Variants in SPECC1 observed in about 807,000 individuals in gnomAD.
SPECC1 encodes the protein sperm antigen with calponin homology and coiled-coil domains 1.
In SPECC1, 62 loss-of-function variants were observed where a neutral mutation model predicts 104.1. The ratio of observed to expected loss-of-function variants is 0.60; its 90% confidence interval spans 0.49 to 0.74. SPECC1 has a LOEUF of 0.74. Among genes scored for constraint, SPECC1 ranks in the 30% least tolerant of loss-of-function variants. The pLI, the probability that SPECC1 is intolerant of heterozygous loss-of-function variation, is 0.00. For synonymous variants in SPECC1, 513 were observed against 501.6 expected (o/e 1.02, Z -0.30); for missense variants, 1,306 against 1,310.5 (o/e 1.00, Z 0.05).
intron 1 of SPECC1, among the ~76,000 whole-genome samples, chr17:20,089,969 C>T (rs1164278191): frequency 6.6e-6 from 1 of 152,190 alleles, no homozygotes; most frequent in Admixed American, 6.5e-5. Context: ...GTTCTGTGCC[C>T]CAGGCTGAGG....
At chr17:20,252,091 CAG>C (rs1392342980) in intron 9 of SPECC1, among the ~76,000 whole-genome samples, 2 of 151,944 alleles carry the variant, frequency 1.3e-5, no homozygotes, top group African/African-American at 2.4e-5. Flanking sequence ...TTTAGAAAAA[CAG>C]AGGGTGTTTT....
At chr17:20,151,972 C>T (rs1597825498) in intron 3 of SPECC1, among the ~76,000 whole-genome samples, 2 of 151,834 alleles carry the variant, frequency 1.3e-5, no homozygotes, top group East Asian at 3.9e-4. Context: ...TCGCTTGAAC[C>T]CGGGAGGCTC....
intron 1 of SPECC1, among the ~76,000 whole-genome samples, chr17:20,072,174 T>C (rs8075343): frequency 0.29 from 43,926 of 152,126 alleles, 6,850 homozygotes; most frequent in Middle Eastern, 0.43. Context: ...TCAGAGCACC[T>C]GTGTTTGAAT....
chr17:20,318,462 A>G lies in SPECC1; in HGVS notation c.*4397A>G, dbSNP rs182344386. 38 of 231,734 alleles carry G rather than the reference A, an allele frequency of 1.6e-4. No individual in the cohort carries two copies. The highest frequency in any genetic ancestry group is 1.1e-3 in the Admixed American group (19 of 17,740). 14.4% of individuals were successfully genotyped at this position (231,734 alleles called of 1,614,324 possible). A position where few individuals can be genotyped will look rare whatever the true frequency, so the allele number is the denominator to read the frequency against. On this transcript the variant is annotated 3_prime_UTR_variant, in exon 15 of 15. Transcript: ENST00000395527. ...GTGTTAGATAAAAACACACATCCCC[A>G]GGGGACAAGCCATCCAGCGGTGAGG... is the stretch of plus-strand genomic sequence containing the variant.
chr17:20,218,859 A>G (rs1288431003), intron 4 of SPECC1, among the ~76,000 whole-genome samples: 11 of 152,038 alleles, frequency 7.2e-5, no homozygotes, highest in Admixed American at 7.2e-4. Context: ...CATGAGTTCA[A>G]TTGTTTTAAT....
Position 20,247,305 on chromosome 17 carries a change from G to C in SPECC1, c.2584G>C (p.Val862Leu). The C allele has an allele frequency of 6.2e-7, 1 of 1,613,300 alleles. No individual in the cohort carries two copies. Among genetic ancestry groups the C allele is most frequent in the Non-Finnish European group, 8.5e-7 (1 of 1,179,492 alleles). Residue 862 changes from valine (V) to leucine (L), a missense_variant, in exon 9 of 15, where the codon GTC becomes CTC. Around this residue, in one of 2 missense-constraint regions of SPECC1, gnomAD observed 1,177 missense variants for 1,139.9 expected, o/e 1.03. Transcript: ENST00000395527. ...IPVRTAPAAA[V>L]SPMQRHSTYS... ...AGTGAGGACTGCTCCAGCAGCTGCT[G>C]TCTCTCCAATGCAGGTAGATGAGCC...
At chr17:20,228,188 G>T (rs1475385119) in intron 5 of SPECC1, among the ~76,000 whole-genome samples, 1 of 152,138 alleles carries the variant, frequency 6.6e-6, no homozygotes, top group Non-Finnish European at 1.5e-5. Context: ...GCGAAAAATA[G>T]AAATGCTTTT....
intron 2 of SPECC1, among the ~76,000 whole-genome samples, chr17:20,107,053 G>T (rs144066442): frequency 2.0e-5 from 3 of 147,842 alleles, no homozygotes; most frequent in Non-Finnish European, 4.5e-5. Flanking sequence ...ACTACTACTT[G>T]GGAGGATGAG....
At chr17:20,061,472 G>A (rs2046182562) in intron 1 of SPECC1, among the ~76,000 whole-genome samples, 1 of 152,228 alleles carries the variant, frequency 6.6e-6, no homozygotes, top group Admixed American at 6.5e-5. Flanking sequence ...ACATTGGGCT[G>A]TAGCCATTTG....
chr17:20,192,829 T>C (rs541682154), intron 3 of SPECC1, among the ~76,000 whole-genome samples: 2 of 152,342 alleles, frequency 1.3e-5, no homozygotes, highest in African/African-American at 2.4e-5. Flanking sequence ...ATCTGTCTTA[T>C]ACAGCTTATT....
chr17:20,259,493 A>G (rs1196468361), intron 11 of SPECC1, among the ~76,000 whole-genome samples: 5 of 152,058 alleles, frequency 3.3e-5, no homozygotes, highest in African/African-American at 1.2e-4. Context: ...CTTCCAATGC[A>G]CCTTTAAAAT....
At chr17:20,274,334 G>T (rs1052392823) in intron 12 of SPECC1, among the ~76,000 whole-genome samples, 1 of 152,168 alleles carries the variant, frequency 6.6e-6, no homozygotes, top group Non-Finnish European at 1.5e-5. Context: ...ACCTGAGTGC[G>T]GCACAGCGCC....
chr17:20,151,359 T>C (rs2031990131), intron 3 of SPECC1, among the ~76,000 whole-genome samples: 1 of 152,248 alleles, frequency 6.6e-6, no homozygotes, highest in Non-Finnish European at 1.5e-5. Flanking sequence ...TCAACAGTAC[T>C]GCGTTGTCAG....
chr17:20,083,037 A>T (rs2047044618), intron 1 of SPECC1, among the ~76,000 whole-genome samples: 1 of 149,054 alleles, frequency 6.7e-6, no homozygotes, highest in Non-Finnish European at 1.5e-5. Flanking sequence ...ACTAAGAGAC[A>T]TCTAGTCCAG....
At chr17:20,265,556 G>T (rs1472362898) in intron 12 of SPECC1, among the ~76,000 whole-genome samples, 3 of 152,132 alleles carry the variant, frequency 2.0e-5, no homozygotes, top group Non-Finnish European at 4.4e-5. Flanking sequence ...TGTTAACTCT[G>T]TTGATAGCTT....
intron 4 of SPECC1, among the ~76,000 whole-genome samples, chr17:20,216,072 CAT>C (rs1210626420): frequency 2.0e-5 from 3 of 152,146 alleles, no homozygotes; most frequent in Admixed American, 6.5e-5. Flanking sequence ...TACAGATTAA[CAT>C]ATGAAGAGAG....
chr17:20,135,280 C>T (rs1262116040), intron 3 of SPECC1, among the ~76,000 whole-genome samples: 1 of 152,186 alleles, frequency 6.6e-6, no homozygotes, highest in Non-Finnish European at 1.5e-5. Context: ...ACTCTTGATA[C>T]TTCCCTCTTC....
At chr17:20,266,960 C>T (rs913118848) in intron 12 of SPECC1, among the ~76,000 whole-genome samples, 4 of 152,134 alleles carry the variant, frequency 2.6e-5, no homozygotes, top group African/African-American at 9.7e-5. Context: ...AAGTGACACA[C>T]GGTGGTCGAC....
chr17:20,274,102 C>A (rs924625101), intron 12 of SPECC1, among the ~76,000 whole-genome samples: 1 of 152,178 alleles, frequency 6.6e-6, no homozygotes, highest in Non-Finnish European at 1.5e-5. Flanking sequence ...CCCTTTTGTT[C>A]CTTCTGGAGT....
Sources: gnomAD v4.1 joint callset for allele counts (sites outside exome capture counted in the v4.1 genomes callset) on GRCh38, gnomAD v4.1.1 for gene constraint, gnomAD v4.1.1 regional missense constraint, MANE v1.5 for transcripts, NCBI Gene and HGNC (gene_info 2026-07-23, HGNC 2026-07-21) for gene names.